Variants in ROBO2 observed in about 807,000 individuals in gnomAD.
The protein encoded by ROBO2 is roundabout homolog 2.
ROBO2 carries 53 observed loss-of-function variants against 160.8 expected under a neutral mutation model. The observed-to-expected ratio is 0.33, with a 90% CI of 0.26 to 0.41. The LOEUF is 0.41. Among genes scored for constraint, ROBO2 ranks in the 10% least tolerant of loss-of-function variants. The probability of loss-of-function intolerance (pLI) is 1.00; values close to 1 mark genes in which losing one functional copy is unlikely to be tolerated. For synonymous variants in ROBO2, 664 were observed against 611.7 expected (o/e 1.09, Z -1.26); for missense variants, 1,577 against 1,722.4 (o/e 0.92, Z 1.49).
chr3:77,595,076 GT>G, intron 17 of ROBO2, 65 bp from the exon 19 acceptor site: 1 of 1,259,310 alleles, frequency 7.9e-7, no homozygotes, highest in South Asian at 1.2e-5. Flanking sequence ...ATATGTAGTT[GT>G]TATTAATTGT....
At chr3:76,996,705 C>T (rs1274597840) in intron 2 of ROBO2, among the ~76,000 whole-genome samples, 3 of 152,084 alleles carry the variant, frequency 2.0e-5, no homozygotes, top group Admixed American at 1.3e-4. Flanking sequence ...CTTACCAAGT[C>T]GAGTACATTC....
chr3:77,618,724 G>T (rs1012970237), intron 22 of ROBO2, among the ~76,000 whole-genome samples: 2 of 152,060 alleles, frequency 1.3e-5, no homozygotes, highest in Non-Finnish European at 2.9e-5. Flanking sequence ...CATAGAAAGA[G>T]ATACCAAAAG....
At chr3:76,489,530 A>C (rs1229338650) in intron 2 of ROBO2, among the ~76,000 whole-genome samples, 1 of 152,168 alleles carries the variant, frequency 6.6e-6, no homozygotes, top group East Asian at 1.9e-4. Flanking sequence ...GTGGTTCCAA[A>C]GTGAAGTAAG....
chr3:77,444,620 A>C (rs1049770932), intron 2 of ROBO2, among the ~76,000 whole-genome samples: 5 of 152,166 alleles, frequency 3.3e-5, no homozygotes, highest in African/African-American at 1.2e-4. Flanking sequence ...CATTGGAATT[A>C]TTGATTTAGC....
chr3:76,488,278 C>T (rs550906841), intron 2 of ROBO2, among the ~76,000 whole-genome samples: 2 of 152,276 alleles, frequency 1.3e-5, no homozygotes, highest in Admixed American at 1.3e-4. Flanking sequence ...TCTTTGGGGG[C>T]TATCTTATGA....
intron 2 of ROBO2, among the ~76,000 whole-genome samples, chr3:76,572,554 A>T (rs1193053867): frequency 6.6e-6 from 1 of 152,268 alleles, no homozygotes; most frequent in African/African-American, 2.4e-5. Context: ...GCATAAACAG[A>T]TTAATCTGAT....
chr3:76,912,709 G>A (rs1324754780), intron 2 of ROBO2, among the ~76,000 whole-genome samples: 1 of 152,060 alleles, frequency 6.6e-6, no homozygotes, highest in East Asian at 1.9e-4. Flanking sequence ...TTTCATAAGA[G>A]AATAATTTAT....
At chr3:76,041,064 T>C (rs543497037) in intron 2 of ROBO2, among the ~76,000 whole-genome samples, 2 of 152,002 alleles carry the variant, frequency 1.3e-5, no homozygotes, top group African/African-American at 4.8e-5. Context: ...CCAACACAGA[T>C]TGGTTCCTTT....
intron 2 of ROBO2, among the ~76,000 whole-genome samples, chr3:76,230,986 C>A (rs538094106): frequency 2.0e-5 from 3 of 152,160 alleles, no homozygotes; most frequent in Admixed American, 6.5e-5. Context: ...TACCAATAAA[C>A]CACCAGAAGC....
chr3:76,261,202 GTATATA>G (rs796253150), intron 2 of ROBO2, among the ~76,000 whole-genome samples: 1 of 67,128 alleles, frequency 1.5e-5, no homozygotes, highest in African/African-American at 3.3e-5. Flanking sequence ...GTGTGTGTGT[GTATATA>G]TATATATAAA....
intron 2 of ROBO2, among the ~76,000 whole-genome samples, chr3:76,639,804 G>A (rs369738741): frequency 3.7e-4 from 56 of 152,246 alleles, no homozygotes; most frequent in East Asian, 1.2e-3. Context: ...TAAATTGGAC[G>A]AAAGGGAAAA....
intron 2 of ROBO2, among the ~76,000 whole-genome samples, chr3:77,291,466 A>G (rs1350763089): frequency 6.6e-6 from 1 of 151,952 alleles, no homozygotes; most frequent in Non-Finnish European, 1.5e-5. Context: ...ATTGATGGTT[A>G]AACGGGTAGG....
chr3:76,616,878 A>C (rs899259375), intron 2 of ROBO2, among the ~76,000 whole-genome samples: 2 of 152,064 alleles, frequency 1.3e-5, no homozygotes, highest in Non-Finnish European at 1.5e-5. Flanking sequence ...CTCCTGCCTT[A>C]GTCTCTCAAG....
intron 2 of ROBO2, among the ~76,000 whole-genome samples, chr3:76,096,526 A>G (rs1179044015): frequency 6.6e-6 from 1 of 152,098 alleles, no homozygotes; most frequent in Non-Finnish European, 1.5e-5. Flanking sequence ...AATGCATTTG[A>G]GTGTTTATTT....
At chr3:76,101,921 CCAGGG>C (rs2069703621) in intron 2 of ROBO2, among the ~76,000 whole-genome samples, 1 of 146,938 alleles carries the variant, frequency 6.8e-6, no homozygotes, top group African/African-American at 2.6e-5. Context: ...CCATTGTACC[CCAGGG>C]TGTGATGTTC....
intron 2 of ROBO2, among the ~76,000 whole-genome samples, chr3:77,382,346 C>T (rs1351774923): frequency 3.0e-5 from 4 of 135,018 alleles, no homozygotes; most frequent in Non-Finnish European, 5.0e-5. Flanking sequence ...AACACATGTC[C>T]TTTTTTTTTT....
intron 2 of ROBO2, among the ~76,000 whole-genome samples, chr3:75,991,036 A>G (rs2065552392): frequency 6.6e-6 from 1 of 152,148 alleles, no homozygotes; most frequent in Admixed American, 6.5e-5. Context: ...TGGTTCTTTG[A>G]CCTTCAAACT....
At chr3:76,780,337 T>C (rs185633416) in intron 2 of ROBO2, among the ~76,000 whole-genome samples, 218 of 150,948 alleles carry the variant, frequency 1.4e-3, no homozygotes, top group Admixed American at 2.8e-3. Context: ...AAACCCTTAT[T>C]AGATGTATGG....
intron 4 of ROBO2, among the ~76,000 whole-genome samples, chr3:77,488,135 G>A (rs937496405): frequency 1.3e-5 from 2 of 152,088 alleles, no homozygotes; most frequent in Non-Finnish European, 2.9e-5. Flanking sequence ...TTTCCAAAAC[G>A]CCATTTTGGA....
Sources: gnomAD v4.1 joint callset for allele counts (sites outside exome capture counted in the v4.1 genomes callset) on GRCh38, gnomAD v4.1.1 for gene constraint, MANE v1.5 for transcripts, NCBI Gene and HGNC (gene_info 2026-07-23, HGNC 2026-07-21) for gene names.